BBX: variants seen among roughly 807,000 people sequenced by gnomAD.
BBX encodes BBX high mobility group box domain containing.
Under a neutral mutation model 100.2 loss-of-function variants are expected in BBX, and 30 were observed. The observed-to-expected ratio is 0.30, with a 90% confidence interval of 0.22 to 0.41. The LOEUF is 0.41. Among genes scored for constraint, BBX ranks in the 10% least tolerant of loss-of-function variants. The probability of loss-of-function intolerance (pLI) is 1.00; values close to 1 mark genes in which losing one functional copy is unlikely to be tolerated. For missense variants in BBX, 1,023 were observed against 1,129.8 expected, an observed-to-expected ratio of 0.91 and a Z score of 1.35; for synonymous variants, 376 against 388.1, an observed-to-expected ratio of 0.97 and a Z score of 0.37.
At chr3:107,572,261 C>A (rs1204077356) in intron 2 of BBX, among the ~76,000 whole-genome samples, 1 of 152,116 alleles carries the variant, frequency 6.6e-6, no homozygotes, top group Admixed American at 6.5e-5. Flanking sequence ...GTAATCCTTT[C>A]GTTAGTTCTC....
At chr3:107,768,896 G>A (rs2066613599) in intron 10 of BBX, among the ~76,000 whole-genome samples, 1 of 151,114 alleles carries the variant, frequency 6.6e-6, no homozygotes, top group African/African-American at 2.4e-5. Context: ...AGTGGCACAT[G>A]CCTGTACTTC....
intron 2 of BBX, among the ~76,000 whole-genome samples, chr3:107,631,254 C>A (rs1229610106): frequency 6.6e-6 from 1 of 152,172 alleles, no homozygotes; most frequent in Non-Finnish European, 1.5e-5. Context: ...TCATCCTAGG[C>A]ACATCTGACT....
At chr3:107,759,097 G>T (rs148187632) in intron 10 of BBX, among the ~76,000 whole-genome samples, 1 of 152,184 alleles carries the variant, frequency 6.6e-6, no homozygotes, top group African/African-American at 2.4e-5. Context: ...GGGGAAATTG[G>T]CAGCAGGCAC....
chr3:107,728,925 C>T lies in BBX; in HGVS notation c.566C>T (p.Thr189Ile). 1.9e-6 allele frequency: 3 copies of T among 1,613,642 alleles called. No homozygotes were observed. Among genetic ancestry groups the T allele is most frequent in the Non-Finnish European group, 2.5e-6 (3 of 1,179,766 alleles). Residue 189 changes from threonine (T) to isoleucine (I), a missense_variant, in exon 6 of 18, where the codon ACT (threonine) becomes ATT (isoleucine). Thr to Ile is a moderately conservative substitution (Grantham distance 89). Coordinates refer to ENST00000325805, the MANE Select transcript of BBX (RefSeq NM_001142568.3). ...TTGCCAAGCCCCAAGAAAGCAAAGACTGAAGAAATGCCTCAGCTTAACTTT... is the reference window on the plus strand; with the variant it reads ...TTGCCAAGCCCCAAGAAAGCAAAGATTGAAGAAATGCCTCAGCTTAACTTT... ...RDLPSPKKAKTEEMPQLNFGM... is the reference protein window; with the variant it reads ...RDLPSPKKAKIEEMPQLNFGM...
At position 107,663,466 on chromosome 3, in the gene BBX, A is replaced by G. The variant is rs181432357; in HGVS notation, c.-10+17557A>G. Among the ~76,000 whole-genome samples the G allele has an allele frequency of 2.6e-4, 39 of 152,312 alleles. No homozygotes were observed. In the South Asian group the frequency reaches 4.3e-3, roughly 17 times the overall value. On this transcript the variant is annotated intron_variant, in intron 3 of 17. Coordinates refer to ENST00000325805, the MANE Select transcript of BBX (RefSeq NM_001142568.3). ...CATTACCAGTTTCTTTGTAGCCCAC[A>G]GTGTGCCCCACCCAGATTCCATTGC...
intron 3 of BBX, among the ~76,000 whole-genome samples, chr3:107,669,814 CT>C (rs1250012151): frequency 6.6e-6 from 1 of 152,134 alleles, no homozygotes; most frequent in East Asian, 1.9e-4. Flanking sequence ...CCCTAGTCTA[CT>C]TTTACAGATT....
Sources: gnomAD v4.1 joint callset for allele counts (sites outside exome capture counted in the v4.1 genomes callset) on GRCh38, gnomAD v4.1.1 for gene constraint, MANE v1.5 for transcripts, NCBI Gene and HGNC (gene_info 2026-07-23, HGNC 2026-07-21) for gene names.